Variants in PTPRD observed in about 807,000 individuals in gnomAD.
PTPRD encodes the protein protein tyrosine phosphatase receptor type D.
PTPRD carries 34 observed loss-of-function variants against 214.5 expected under a neutral mutation model. That is an observed-to-expected ratio of 0.16 (90% CI 0.12 to 0.21). PTPRD has a LOEUF of 0.21. Among genes scored for constraint, PTPRD ranks in the 10% least tolerant of loss-of-function variants. The pLI, the probability that PTPRD is intolerant of heterozygous loss-of-function variation, is 1.00. For missense variants in PTPRD, 2,545 were observed against 2,398.7 expected (o/e 1.06, Z -1.27); for synonymous variants, 1,128 against 845.7 (o/e 1.33, Z -5.79).
chr9:10,375,839 T>C (rs1429185209), intron 2 of PTPRD, among the ~76,000 whole-genome samples: 1 of 151,958 alleles, frequency 6.6e-6, no homozygotes, highest in Non-Finnish European at 1.5e-5. Context: ...TGTGGAGCAA[T>C]TATTTGTCAA....
At chr9:8,384,048 C>T (rs1455901133) in intron 37 of PTPRD, among the ~76,000 whole-genome samples, 3 of 152,084 alleles carry the variant, frequency 2.0e-5, no homozygotes, top group African/African-American at 7.2e-5. Context: ...AAAAGGTGAA[C>T]ACTCACACAC....
intron 3 of PTPRD, among the ~76,000 whole-genome samples, chr9:10,290,158 G>A (rs553747060): frequency 5.4e-4 from 82 of 152,266 alleles, no homozygotes; most frequent in African/African-American, 1.8e-3. Context: ...GTGATTGTGA[G>A]TGGGTGGTTG....
At chr9:8,624,452 T>C (rs2095941267) in intron 14 of PTPRD, among the ~76,000 whole-genome samples, 1 of 151,838 alleles carries the variant, frequency 6.6e-6, no homozygotes, top group Non-Finnish European at 1.5e-5. Context: ...CACGTATACA[T>C]ATAACACTTA....
At chr9:9,830,724 A>G (rs1485418003) in intron 5 of PTPRD, among the ~76,000 whole-genome samples, 3 of 151,916 alleles carry the variant, frequency 2.0e-5, no homozygotes. Flanking sequence ...CTGGCAGTGA[A>G]ATGGTGTGAA....
chr9:9,312,252 G>A (rs1959195473), intron 9 of PTPRD, among the ~76,000 whole-genome samples: 1 of 152,084 alleles, frequency 6.6e-6, no homozygotes, highest in Non-Finnish European at 1.5e-5. Flanking sequence ...AATAATAGAG[G>A]TAGAATATTG....
At chr9:9,394,731 C>T (rs944952457) in intron 9 of PTPRD, among the ~76,000 whole-genome samples, 13 of 151,844 alleles carry the variant, frequency 8.6e-5, no homozygotes, top group Admixed American at 2.6e-4. Context: ...ATTTAAAGAA[C>T]GGGAATATGT....
intron 12 of PTPRD, among the ~76,000 whole-genome samples, chr9:8,647,535 T>C (rs939485813): frequency 6.6e-6 from 1 of 152,228 alleles, no homozygotes; most frequent in Admixed American, 6.5e-5. Context: ...TTAAATTTAT[T>C]GTTAAACATT....
At chr9:9,775,180 C>T (rs916846411) in intron 5 of PTPRD, among the ~76,000 whole-genome samples, 1 of 152,124 alleles carries the variant, frequency 6.6e-6, no homozygotes, top group African/African-American at 2.4e-5. Flanking sequence ...ATAATCGAAT[C>T]CCATTTTCCT....
At chr9:9,613,450 T>G (rs1255550632) in intron 7 of PTPRD, among the ~76,000 whole-genome samples, 1 of 152,042 alleles carries the variant, frequency 6.6e-6, no homozygotes, top group East Asian at 1.9e-4. Flanking sequence ...CTGTTCTTTT[T>G]GCCATCTACT....
At chr9:10,225,926 C>T (rs2099587374) in intron 3 of PTPRD, among the ~76,000 whole-genome samples, 1 of 151,982 alleles carries the variant, frequency 6.6e-6, no homozygotes, top group African/African-American at 2.4e-5. Context: ...AGAATAACAA[C>T]TTTATTGAGA....
intron 9 of PTPRD, among the ~76,000 whole-genome samples, chr9:9,244,899 C>A (rs76652726): frequency 0.57 from 87,207 of 151,858 alleles, 25,036 homozygotes; most frequent in African/African-American, 0.59. Flanking sequence ...TGACAAAGGG[C>A]TAATATCCAG....
At chr9:10,294,945 T>C (rs1412673918) in intron 3 of PTPRD, among the ~76,000 whole-genome samples, 1 of 151,754 alleles carries the variant, frequency 6.6e-6, no homozygotes, top group Non-Finnish European at 1.5e-5. Flanking sequence ...TCCTTAAGAA[T>C]AAATATAATA....
intron 5 of PTPRD, among the ~76,000 whole-genome samples, chr9:9,844,820 A>T (rs2059108874): frequency 6.6e-6 from 1 of 151,556 alleles, no homozygotes; most frequent in Non-Finnish European, 1.5e-5. Context: ...GGAATGTTCA[A>T]AATTTAAAAA....
chr9:9,013,969 T>A (rs2099522561), intron 11 of PTPRD, among the ~76,000 whole-genome samples: 1 of 152,180 alleles, frequency 6.6e-6, no homozygotes, highest in African/African-American at 2.4e-5. Flanking sequence ...GACTGGACTC[T>A]GAGTGCTCCC....
At chr9:8,672,546 T>G (rs1323881096) in intron 12 of PTPRD, among the ~76,000 whole-genome samples, 1 of 152,114 alleles carries the variant, frequency 6.6e-6, no homozygotes, top group Non-Finnish European at 1.5e-5. Flanking sequence ...TCTACCTTCT[T>G]ATAATTACTC....
intron 2 of PTPRD, among the ~76,000 whole-genome samples, chr9:10,582,630 T>C (rs1295855112): frequency 1.3e-5 from 2 of 152,186 alleles, no homozygotes. Context: ...TTAGGGTGTA[T>C]TTAATATCTA....
At chr9:9,709,619 T>C (rs2097689270) in intron 7 of PTPRD, among the ~76,000 whole-genome samples, 1 of 152,060 alleles carries the variant, frequency 6.6e-6, no homozygotes, top group South Asian at 2.1e-4. Flanking sequence ...AAGTAGTACA[T>C]TTCACATTCA....
chr9:8,763,879 TTCTC>T (rs2094551950), intron 11 of PTPRD, among the ~76,000 whole-genome samples: 2 of 152,138 alleles, frequency 1.3e-5, no homozygotes, highest in African/African-American at 4.8e-5. Flanking sequence ...TTTTTAAAAA[TTCTC>T]TCTCATTAGC....
At chr9:9,690,121 G>A (rs887940639) in intron 7 of PTPRD, among the ~76,000 whole-genome samples, 1 of 151,864 alleles carries the variant, frequency 6.6e-6, no homozygotes, top group East Asian at 1.9e-4. Flanking sequence ...TTGTATGGGG[G>A]TTCTCCTTTC....
Sources: gnomAD v4.1 joint callset for allele counts (sites outside exome capture counted in the v4.1 genomes callset) on GRCh38, gnomAD v4.1.1 for gene constraint, MANE v1.5 for transcripts, NCBI Gene and HGNC (gene_info 2026-07-23, HGNC 2026-07-21) for gene names.